The following RORB variants were observed in gnomAD, a reference collection of about 807,000 sequenced individuals.
The protein encoded by RORB is RAR related orphan receptor B.
Under a neutral mutation model 59.1 loss-of-function variants are expected in RORB, and 6 were observed. That is an observed-to-expected ratio of 0.10 (90% CI 0.06 to 0.20). The LOEUF (loss-of-function observed/expected upper bound fraction) is 0.20, where lower values mean the gene tolerates loss of function less well. Ranked by LOEUF, RORB falls within the 10% of genes least tolerant of loss-of-function variation. RORB has a pLI of 1.00. For missense variants in RORB, 320 were observed against 560.5 expected, an observed-to-expected ratio of 0.57 and a Z score of 4.33; for synonymous variants, 215 against 204.5, an observed-to-expected ratio of 1.05 and a Z score of -0.44.
At chr9:74,578,960 A>G in intron 1 of RORB, among the ~76,000 whole-genome samples, 1 of 152,112 alleles carries the variant, frequency 6.6e-6, no homozygotes, top group East Asian at 1.9e-4. Context: ...TCTGCAAGTG[A>G]AAAGAGAGGA....
At chr9:74,566,201 A>G (rs1255972702) in intron 1 of RORB, among the ~76,000 whole-genome samples, 1 of 152,042 alleles carries the variant, frequency 6.6e-6, no homozygotes, top group Non-Finnish European at 1.5e-5. Flanking sequence ...TAGCCCAAAT[A>G]TGCTCTCCAT....
chr9:74,658,156 C>CTTAA (rs531919470), intron 4 of RORB, among the ~76,000 whole-genome samples: 297 of 151,852 alleles, frequency 2.0e-3, no homozygotes, highest in Non-Finnish European at 3.7e-3. Flanking sequence ...CTGTCCAGTT[C>CTTAA]TTAAGGACCT....
Position 74,497,720 on chromosome 9 carries a change from TCACCC to T in RORB, c.-256_-252del. The T allele has an allele frequency of 2.0e-6, 1 of 502,508 alleles. No individual in the cohort carries two copies. The highest frequency in any genetic ancestry group is 3.5e-6 in the Non-Finnish European group (1 of 281,772). The allele number at this position is 502,508 out of a possible 1,614,324, so 31.1% of individuals were successfully genotyped here. A position where few individuals can be genotyped will look rare whatever the true frequency, so the allele number is the denominator to read the frequency against. ...ACCAGACAGCCAGAACATTTTTTTT[TCACCC>T]TTCCTGAAAACAAACAAACAAACAA... On this transcript the variant is annotated 5_prime_UTR_variant, in exon 1 of 10. Coordinates refer to ENST00000376896, the MANE Select transcript of RORB (RefSeq NM_006914.4).
At chr9:74,637,477 CGT>C in intron 3 of RORB, among the ~76,000 whole-genome samples, 1 of 152,230 alleles carries the variant, frequency 6.6e-6, no homozygotes, top group East Asian at 1.9e-4. Context: ...GAAACACATA[CGT>C]GTGTCTTTAT....
chr9:74,601,725 C>T (rs955755396), intron 1 of RORB, among the ~76,000 whole-genome samples: 2 of 152,046 alleles, frequency 1.3e-5, no homozygotes, highest in Non-Finnish European at 2.9e-5. Flanking sequence ...TAATAGAGAC[C>T]TTCTGATTAA....
At chr9:74,550,432 G>A (rs1826589244) in intron 1 of RORB, among the ~76,000 whole-genome samples, 1 of 152,160 alleles carries the variant, frequency 6.6e-6, no homozygotes, top group Admixed American at 6.5e-5. Context: ...ACCAGGGTGG[G>A]GCTTGGGTAA....
intron 1 of RORB, among the ~76,000 whole-genome samples, chr9:74,555,732 G>T (rs1430273371): frequency 1.3e-5 from 2 of 152,202 alleles, no homozygotes; most frequent in African/African-American, 2.4e-5. Context: ...CTTGGGCTCA[G>T]GGGTTGGCAG....
chr9:74,638,715 A>T (rs1823743985), intron 3 of RORB, among the ~76,000 whole-genome samples: 1 of 152,244 alleles, frequency 6.6e-6, no homozygotes, highest in Non-Finnish European at 1.5e-5. Flanking sequence ...CAAGAAAGTC[A>T]GTAGGTTTAT....
At chr9:74,590,773 T>C (rs1822876137) in intron 1 of RORB, among the ~76,000 whole-genome samples, 2 of 150,988 alleles carry the variant, frequency 1.3e-5, no homozygotes, top group Admixed American at 6.6e-5. Flanking sequence ...TCTGTTTTTT[T>C]GTTTTGTTTT....
At chr9:74,617,570 C>T (rs1823333793) in intron 1 of RORB, among the ~76,000 whole-genome samples, 2 of 152,126 alleles carry the variant, frequency 1.3e-5, no homozygotes, top group African/African-American at 4.8e-5. Flanking sequence ...CTGGTAATCT[C>T]TTTAGAGAAA....
chr9:74,677,343 G>A (rs1249768989), intron 9 of RORB, among the ~76,000 whole-genome samples: 1 of 152,028 alleles, frequency 6.6e-6, no homozygotes, highest in Non-Finnish European at 1.5e-5. Flanking sequence ...TCCTTCTTAA[G>A]GCTTTAGACT....
intron 1 of RORB, among the ~76,000 whole-genome samples, chr9:74,592,749 A>G (rs1378024632): frequency 6.6e-6 from 1 of 152,164 alleles, no homozygotes; most frequent in East Asian, 1.9e-4. Context: ...GCAAAACCAA[A>G]AAGAAAAAAC....
intron 1 of RORB, among the ~76,000 whole-genome samples, chr9:74,613,247 A>C (rs1823260437): frequency 6.6e-6 from 1 of 152,200 alleles, no homozygotes; most frequent in South Asian, 2.1e-4. Flanking sequence ...GAGTGTTACA[A>C]TCTGATTTCA....
intron 4 of RORB, among the ~76,000 whole-genome samples, chr9:74,659,455 GCCAC>G: frequency 6.6e-6 from 1 of 152,132 alleles, no homozygotes; most frequent in Non-Finnish European, 1.5e-5. Context: ...CCTAGCTCTA[GCCAC>G]CTTCAGGGGA....
intron 3 of RORB, among the ~76,000 whole-genome samples, chr9:74,642,060 C>T (rs532905100): frequency 1.3e-5 from 2 of 152,068 alleles, no homozygotes; most frequent in Non-Finnish European, 2.9e-5. Flanking sequence ...ATTTTAATAG[C>T]GGGTACTATT....
At chr9:74,557,705 G>A (rs903008604) in intron 1 of RORB, among the ~76,000 whole-genome samples, 1 of 152,036 alleles carries the variant, frequency 6.6e-6, no homozygotes, top group Non-Finnish European at 1.5e-5. Flanking sequence ...CGTAACGGCC[G>A]AGGACTCTTT....
At chr9:74,509,265 T>C (rs1247476356) in intron 1 of RORB, among the ~76,000 whole-genome samples, 1 of 152,126 alleles carries the variant, frequency 6.6e-6, no homozygotes, top group African/African-American at 2.4e-5. Context: ...TAGATCTGTC[T>C]AGTCAAAATA....
chr9:74,559,689 A>G (rs1822365085), intron 1 of RORB, among the ~76,000 whole-genome samples: 1 of 152,210 alleles, frequency 6.6e-6, no homozygotes, highest in South Asian at 2.1e-4. Context: ...ACAGGATAAT[A>G]ATAGTAATAT....
At chr9:74,499,479 C>T (rs1231583810) in intron 1 of RORB, among the ~76,000 whole-genome samples, 1 of 152,102 alleles carries the variant, frequency 6.6e-6, no homozygotes, top group African/African-American at 2.4e-5. Context: ...AGAGACTGTC[C>T]ATGGGGGAGG....
Sources: gnomAD v4.1 joint callset for allele counts (sites outside exome capture counted in the v4.1 genomes callset) on GRCh38, gnomAD v4.1.1 for gene constraint, MANE v1.5 for transcripts, NCBI Gene and HGNC (gene_info 2026-07-23, HGNC 2026-07-21) for gene names.